The following KREMEN1 variants were observed in gnomAD, a reference collection of about 807,000 sequenced individuals.
The protein encoded by KREMEN1 is kringle containing transmembrane protein 1.
KREMEN1 carries 30 observed loss-of-function variants against 46.5 expected under a neutral mutation model. The ratio of observed to expected loss-of-function variants is 0.65; its 90% CI spans 0.48 to 0.88. KREMEN1 has a LOEUF of 0.88. Among genes scored for constraint, KREMEN1 ranks in the 40% least tolerant of loss-of-function variants. The probability of loss-of-function intolerance (pLI) is 0.00; values close to 1 mark genes in which losing one functional copy is unlikely to be tolerated. For synonymous variants in KREMEN1, 214 were observed against 230.6 expected (o/e 0.93, Z 0.65); for missense variants, 533 against 596.9 (o/e 0.89, Z 1.11).
chr22:29,088,549 C>T (rs1399699606), intron 1 of KREMEN1, among the ~76,000 whole-genome samples: 1 of 152,066 alleles, frequency 6.6e-6, no homozygotes, highest in Non-Finnish European at 1.5e-5. Flanking sequence ...AGGCTGGTCT[C>T]GAACTCTTGA....
chr22:29,077,653 C>T (rs1569309710), intron 1 of KREMEN1, among the ~76,000 whole-genome samples: 2 of 152,110 alleles, frequency 1.3e-5, no homozygotes, highest in Non-Finnish European at 2.9e-5. Context: ...TTTTTTAAGT[C>T]TTAGCTTGTG....
At chr22:29,115,445 A>AC (rs371789196) in intron 3 of KREMEN1, among the ~76,000 whole-genome samples, 9,581 of 106,832 alleles carry the variant, frequency 0.09, 897 homozygotes, top group African/African-American at 0.27. Context: ...TAAAAAAAAA[A>AC]AAAACCAGAA....
intron 5 of KREMEN1, among the ~76,000 whole-genome samples, chr22:29,131,768 G>A (rs1454130668): frequency 1.6e-5 from 2 of 123,736 alleles, no homozygotes; most frequent in African/African-American, 3.8e-5. Context: ...ATATATATAT[G>A]TATATATATA....
In KREMEN1 at chr22:29,145,523, G is replaced by T. The variant is rs888566158; in HGVS notation, c.*3411G>T. 1.0e-6 allele frequency: 1 copy of T among 985,564 alleles called. No individual in the cohort carries two copies. Among genetic ancestry groups the T allele is most frequent in the African/African-American group, 1.7e-5 (1 of 57,370 alleles). The allele number at this position is 985,564 out of a possible 1,614,324, so 61.1% of individuals were successfully genotyped here. A position where few individuals can be genotyped will look rare whatever the true frequency, so the allele number is the denominator to read the frequency against. On this transcript the variant is annotated 3_prime_UTR_variant, in exon 9 of 9. Transcript: ENST00000400335. The stretch of plus-strand genomic sequence containing the variant: ...AGGAGAGCCCTCACCAGCCGATCTT[G>T]TCACTCTCCGTGGTGACAGTGTCTT...
chr22:29,110,930 G>A (rs892650846), intron 3 of KREMEN1, among the ~76,000 whole-genome samples: 6 of 152,228 alleles, frequency 3.9e-5, no homozygotes, highest in South Asian at 2.1e-4. Context: ...CAGCTGCAGC[G>A]TCTCAGATGT....
intron 5 of KREMEN1, among the ~76,000 whole-genome samples, chr22:29,132,197 T>C (rs1347860522): frequency 6.6e-6 from 1 of 152,134 alleles, no homozygotes; most frequent in African/African-American, 2.4e-5. Context: ...GATTCACCTA[T>C]GTTGTTGCCT....
At chr22:29,089,072 T>C (rs1187824035) in intron 1 of KREMEN1, among the ~76,000 whole-genome samples, 1 of 152,188 alleles carries the variant, frequency 6.6e-6, no homozygotes, top group Non-Finnish European at 1.5e-5. Flanking sequence ...CAGCCCCAGA[T>C]GTTGGGGCTG....
chr22:29,145,092 CAGTT>C lies in KREMEN1; in HGVS notation c.*2983_*2986del, dbSNP rs1569338572. ...TCCTGCCGCAGCCTGGCTATGGACT[CAGTT>C]AGAACCAGGTAGAAAGTCAGCGACA... On this transcript the variant is annotated 3_prime_UTR_variant, in exon 9 of 9. Coordinates refer to ENST00000400335, the MANE Select transcript of KREMEN1 (RefSeq NM_001039570.3). 6.1e-6 allele frequency: 6 copies of C among 985,582 alleles called. No homozygotes were observed. Among genetic ancestry groups the C allele is most frequent in the South Asian group, 4.7e-5 (1 of 21,298 alleles). 61.1% of individuals were successfully genotyped at this position (985,582 alleles called of 1,614,324 possible). A position where few individuals can be genotyped will look rare whatever the true frequency, so the allele number is the denominator to read the frequency against.
intron 3 of KREMEN1, among the ~76,000 whole-genome samples, chr22:29,101,249 C>A (rs1247374143): frequency 2.6e-5 from 2 of 76,972 alleles, no homozygotes; most frequent in Admixed American, 1.6e-4. Flanking sequence ...AAGAGTCTGT[C>A]TCCAAAAAAA....
At chr22:29,151,687 C>T (rs2038916181), downstream of KREMEN1, among the ~76,000 whole-genome samples, 1 of 152,214 alleles carries the variant, frequency 6.6e-6, no homozygotes, top group South Asian at 2.1e-4. Flanking sequence ...AAATGCTATT[C>T]TTTTGATTTT....
intron 3 of KREMEN1, among the ~76,000 whole-genome samples, chr22:29,106,045 G>A (rs544221395): frequency 4.5e-4 from 68 of 152,336 alleles, no homozygotes; most frequent in African/African-American, 1.4e-3. Flanking sequence ...TTTAGAGTAT[G>A]TGTAAAAAGC....
chr22:29,140,512 T>G, intron 8 of KREMEN1, 146 bp downstream of exon 8: 2 of 628,502 alleles, frequency 3.2e-6, no homozygotes, highest in Non-Finnish European at 2.8e-6. Context: ...GCAGCAGACA[T>G]TCCCCCTTCT....
chr22:29,098,884 C>T lies in KREMEN1; in HGVS notation c.283C>T (p.Pro95Ser). 7.4e-6 allele frequency: 12 copies of T among 1,613,990 alleles called. No individual in the cohort carries two copies. Among genetic ancestry groups the T allele is most frequent in the Non-Finnish European group, 1.0e-5 (12 of 1,179,862 alleles). ...YCRNPDGDVSPWCYVAEHEDG... is the reference protein window; with the variant it reads ...YCRNPDGDVSSWCYVAEHEDG... ...CAGAAATCCAGATGGAGACGTGAGC[C>T]CCTGGTGCTATGTGGCAGAGCACGA... Residue 95 changes from proline (P) to serine (S), a missense_variant, in exon 3 of 9, where the codon CCC (proline) becomes TCC (serine). Pro to Ser is a moderately conservative substitution (Grantham distance 74, BLOSUM62 -1). Transcript: ENST00000400335.
chr22:29,084,040 C>G (rs142423027), intron 1 of KREMEN1, among the ~76,000 whole-genome samples: 1 of 152,058 alleles, frequency 6.6e-6, no homozygotes, highest in African/African-American at 2.4e-5. Context: ...GAGGAGGTCC[C>G]GGAACTGAGG....
intron 1 of KREMEN1, among the ~76,000 whole-genome samples, chr22:29,091,756 A>G (rs2037810163): frequency 6.6e-6 from 1 of 152,164 alleles, no homozygotes; most frequent in African/African-American, 2.4e-5. Flanking sequence ...TCTTTCTCTC[A>G]GATCACATAT....
intron 3 of KREMEN1, among the ~76,000 whole-genome samples, chr22:29,102,877 G>A (rs2145778521): frequency 6.6e-6 from 1 of 152,274 alleles, no homozygotes; most frequent in Non-Finnish European, 1.5e-5. Context: ...GGTTTCTGGG[G>A]ATAGAGGGTG....
chr22:29,084,948 G>T (rs1000577202), intron 1 of KREMEN1, among the ~76,000 whole-genome samples: 2 of 152,082 alleles, frequency 1.3e-5, no homozygotes, highest in African/African-American at 2.4e-5. Context: ...GATCTAAAAG[G>T]TATTTTAATA....
chr22:29,133,109 G>T (rs1214654308), intron 5 of KREMEN1, among the ~76,000 whole-genome samples: 3 of 152,022 alleles, frequency 2.0e-5, no homozygotes, highest in African/African-American at 7.2e-5. Context: ...TTAGCCAGGC[G>T]AGGTGGCGCA....
Position 29,156,862 on chromosome 22 carries a change from C to T in KREMEN1, c.1417-10182C>T, listed in dbSNP as rs1015815141. On this transcript the variant is annotated intron_variant, in intron 9 of 9. Transcript: ENST00000327813. ...GCCTTATTTCCTTTGACTCTCCCAG[C>T]AACCCCATGAGGTAGGTACAGTTCT... Among the ~76,000 whole-genome samples the T allele has an allele frequency of 3.3e-5, 5 of 152,324 alleles. 1 individual carries two copies. Among genetic ancestry groups the T allele is most frequent in the Admixed American group, 2.6e-4 (4 of 15,300 alleles).
Sources: allele counts gnomAD v4.1 joint callset (sites outside exome capture counted in the v4.1 genomes callset), GRCh38; gene constraint gnomAD v4.1.1; transcripts MANE v1.5; gene names NCBI Gene and HGNC (gene_info 2026-07-23, HGNC 2026-07-21).